Variants in DPF3 observed in about 807,000 individuals in gnomAD.
DPF3 encodes the protein double PHD fingers 3, also known as zinc finger protein DPF3.
Under a neutral mutation model 56.8 loss-of-function variants are expected in DPF3, and 18 were observed. The observed-to-expected ratio is 0.32, with a 90% CI of 0.22 to 0.47. The LOEUF is 0.47. Ranked by LOEUF, DPF3 falls within the 20% of genes least tolerant of loss-of-function variation. The pLI is 1.00. For missense variants in DPF3, 403 were observed against 488.8 expected, an observed-to-expected ratio of 0.82 and a Z score of 1.65; for synonymous variants, 188 against 180.2, an observed-to-expected ratio of 1.04 and a Z score of -0.35.
chr14:72,666,531 G>C (rs566167320), intron 8 of DPF3, among the ~76,000 whole-genome samples: 2 of 152,294 alleles, frequency 1.3e-5, no homozygotes, highest in Non-Finnish European at 2.9e-5. Flanking sequence ...TGGAACTTTA[G>C]ACAAGTCATC....
At chr14:72,671,119 G>A in intron 8 of DPF3, 1 of 1,613,270 alleles carries the variant, frequency 6.2e-7, no homozygotes, top group East Asian at 2.2e-5. Flanking sequence ...ATTGCCCAGA[G>A]AGTCTGTTCC....
At chr14:72,880,625 C>T (rs1436351672) in intron 1 of DPF3, among the ~76,000 whole-genome samples, 5 of 152,114 alleles carry the variant, frequency 3.3e-5, no homozygotes, top group African/African-American at 9.7e-5. Context: ...GACACAAACA[C>T]GGCTCACTGC....
intron 1 of DPF3, among the ~76,000 whole-genome samples, chr14:72,874,274 C>G (rs1300107721): frequency 6.6e-6 from 1 of 151,648 alleles, no homozygotes; most frequent in Non-Finnish European, 1.5e-5. Context: ...GTCAGGAGTT[C>G]AAGACCAGCC....
chr14:72,662,710 G>A, intron 8 of DPF3: 1 of 990,028 alleles, frequency 1.0e-6, no homozygotes, highest in Non-Finnish European at 1.2e-6. Flanking sequence ...ACAGGAGGGG[G>A]CTGGGCAAGG....
chr14:72,772,658 T>C (rs1891582320), intron 1 of DPF3, among the ~76,000 whole-genome samples: 1 of 152,224 alleles, frequency 6.6e-6, no homozygotes, highest in South Asian at 2.1e-4. Context: ...CCTGACTCTT[T>C]GGTATTTTTG....
chr14:72,674,265 C>A lies in DPF3; in HGVS notation c.846G>T (p.Val282=). Reference sequence around the variant, plus strand: ...CAGAGCGTCCACAGTCTGCGCAGGACACCAGCTCTTCAGGCCGCCCACTCT... The same window carrying A: ...CAGAGCGTCCACAGTCTGCGCAGGAAACCAGCTCTTCAGGCCGCCCACTCT... The part of the protein sequence containing the change: ...NKKSGRPEEL[V]SCADCGRSGH... Residue 282 remains valine, a synonymous_variant, in exon 8 of 11, where the codon GTG becomes GTT. Coordinates refer to ENST00000556509, the MANE Select transcript of DPF3 (RefSeq NM_001280542.3). 1 of 1,612,832 alleles carries A rather than the reference C, an allele frequency of 6.2e-7. No individual in the cohort carries two copies. The highest frequency in any genetic ancestry group is 8.5e-7 in the Non-Finnish European group (1 of 1,179,490).
intron 8 of DPF3, among the ~76,000 whole-genome samples, chr14:72,651,626 C>T (rs1254681302): frequency 3.3e-5 from 5 of 152,176 alleles, no homozygotes; most frequent in African/African-American, 4.8e-5. Flanking sequence ...AGGTTGTATT[C>T]GTTATTTGCA....
chr14:72,661,781 C>T (rs1177052703), intron 8 of DPF3: 1 of 985,044 alleles, frequency 1.0e-6, no homozygotes, highest in African/African-American at 1.8e-5. Context: ...GCAGAAGGTT[C>T]CCTTTCCTCA....
At chr14:72,785,488 A>C (rs1482576839) in intron 1 of DPF3, among the ~76,000 whole-genome samples, 4 of 152,182 alleles carry the variant, frequency 2.6e-5, no homozygotes, top group Non-Finnish European at 5.9e-5. Flanking sequence ...TCAGCCTCTT[A>C]CAAGGGCGCC....
At chr14:72,856,660 A>T (rs1288091189) in intron 1 of DPF3, among the ~76,000 whole-genome samples, 2 of 152,248 alleles carry the variant, frequency 1.3e-5, no homozygotes, top group African/African-American at 4.8e-5. Flanking sequence ...TTAAGAGCAT[A>T]GCTGTTTCCT....
intron 8 of DPF3, among the ~76,000 whole-genome samples, chr14:72,653,586 A>G (rs1026823721): frequency 6.6e-6 from 1 of 152,216 alleles, no homozygotes; most frequent in Non-Finnish European, 1.5e-5. Flanking sequence ...TTTTCCTCGC[A>G]TCACATTCAG....
intron 2 of DPF3, among the ~76,000 whole-genome samples, chr14:72,760,167 C>T (rs1891007251): frequency 6.6e-6 from 1 of 152,140 alleles, no homozygotes; most frequent in Non-Finnish European, 1.5e-5. Context: ...AGATGATCAA[C>T]TATTTTTAAA....
intron 5 of DPF3, among the ~76,000 whole-genome samples, chr14:72,716,744 G>A (rs1019673819): frequency 2.0e-5 from 3 of 152,138 alleles, no homozygotes; most frequent in African/African-American, 4.8e-5. Context: ...GGCAGGCAGC[G>A]AGTCAGTCAT....
intron 6 of DPF3, among the ~76,000 whole-genome samples, chr14:72,701,350 TTC>T (rs1303404614): frequency 2.0e-5 from 3 of 152,240 alleles, no homozygotes; most frequent in African/African-American, 7.2e-5. Context: ...CCAGCTTGCC[TTC>T]TCTTTCTCCT....
chr14:72,654,889 C>T (rs1020207752), intron 8 of DPF3, among the ~76,000 whole-genome samples: 10 of 152,034 alleles, frequency 6.6e-5, no homozygotes, highest in African/African-American at 2.2e-4. Flanking sequence ...TAGCAGCATG[C>T]GGTCAAAACA....
intron 8 of DPF3, among the ~76,000 whole-genome samples, chr14:72,649,531 G>A (rs1885833269): frequency 6.6e-6 from 1 of 152,146 alleles, no homozygotes; most frequent in African/African-American, 2.4e-5. Context: ...AAGGGGGCTG[G>A]AAGGAGTGGG....
At position 72,610,629 on chromosome 14, in the gene DPF3, G is replaced by A. The variant is rs548062517; in HGVS notation, c.*8668C>T. On this transcript the variant is annotated 3_prime_UTR_variant, in exon 11 of 11. Transcript: ENST00000556509. ...GGTCTAGTTCTGGCTTTTGTGAATC[G>A]ACCGTGTGACGTAGACAGCACAGCA... Among the ~76,000 whole-genome samples the A allele has an allele frequency of 6.6e-6, 1 of 152,332 alleles. No homozygotes were observed. Among genetic ancestry groups the A allele is most frequent in the Non-Finnish European group, 1.5e-5 (1 of 68,042 alleles).
intron 3 of DPF3, among the ~76,000 whole-genome samples, chr14:72,732,178 C>T (rs577461034): frequency 2.6e-5 from 4 of 152,302 alleles, no homozygotes; most frequent in South Asian, 2.1e-4. Context: ...AGAAAGGGTG[C>T]GGGGTAGATG....
chr14:72,784,798 A>G (rs1161460575), intron 1 of DPF3, among the ~76,000 whole-genome samples: 1 of 152,030 alleles, frequency 6.6e-6, no homozygotes, highest in East Asian at 1.9e-4. Flanking sequence ...CTCTACTAAA[A>G]CTACAAAAAT....
Sources: allele counts gnomAD v4.1 joint callset (sites outside exome capture counted in the v4.1 genomes callset), GRCh38; gene constraint gnomAD v4.1.1; transcripts MANE v1.5; gene names NCBI Gene and HGNC (gene_info 2026-07-23, HGNC 2026-07-21).